The following TTC7A variants were observed in gnomAD, a reference collection of about 807,000 sequenced individuals.
TTC7A encodes the protein tetratricopeptide repeat domain 7A.
Under a neutral mutation model 103.7 loss-of-function variants are expected in TTC7A, and 110 were observed. The observed-to-expected ratio is 1.06, with a 90% CI of 0.91 to 1.24. The LOEUF (loss-of-function observed/expected upper bound fraction) is 1.24. Ranked by LOEUF, TTC7A falls within the 50% of genes most tolerant of loss-of-function variation. The pLI, the probability that TTC7A is intolerant of heterozygous loss-of-function variation, is 0.00. For synonymous variants in TTC7A, 521 were observed against 467.9 expected (o/e 1.11, Z -1.47); for missense variants, 1,340 against 1,116.3 (o/e 1.20, Z -2.86).
upstream of TTC7A, among the ~76,000 whole-genome samples, chr2:46,939,051 G>C (rs1670121599): frequency 6.6e-6 from 1 of 150,994 alleles, no homozygotes; most frequent in Admixed American, 6.6e-5. Flanking sequence ...CAGGGTGGGA[G>C]GACCGCTTGA....
In TTC7A at chr2:46,994,502, A is replaced by G. The variant is rs745812496; in HGVS notation, c.989A>G (p.Tyr330Cys). 13 of 1,613,952 alleles carry G rather than the reference A, an allele frequency of 8.1e-6. No individual in the cohort carries two copies. The South Asian group carries it at 1.1e-4, about 14-fold the overall frequency. ...CAGGCCCTGCGGAAACCTCACCTCTATGAAGGAGACAAGTAAGTTCTGCCT... is the reference window on the plus strand; with the variant it reads ...CAGGCCCTGCGGAAACCTCACCTCTGTGAAGGAGACAAGTAAGTTCTGCCT... The part of the protein sequence containing the change: ...ATQALRKPHL[Y>C]EGDNLYCPKD... Residue 330 changes from tyrosine to cysteine, a missense_variant, in exon 7 of 20, where the codon TAT (tyrosine) becomes TGT (cysteine). Tyr to Cys is a radical substitution (Grantham distance 194). Transcript: ENST00000319190.
intron 3 of TTC7A, among the ~76,000 whole-genome samples, chr2:46,957,688 T>C (rs1267841145): frequency 2.0e-5 from 3 of 152,214 alleles, no homozygotes; most frequent in Non-Finnish European, 4.4e-5. Flanking sequence ...GCCATTTAAC[T>C]GGACCCCAAA....
intron 3 of TTC7A, among the ~76,000 whole-genome samples, chr2:46,965,090 T>A (rs1312659725): frequency 6.6e-6 from 1 of 152,182 alleles, no homozygotes; most frequent in Admixed American, 6.5e-5. Context: ...AAAGGTGAAA[T>A]GCCCTCAGCA....
intron 18 of TTC7A, among the ~76,000 whole-genome samples, chr2:47,060,382 T>A (rs969477610): frequency 2.2e-4 from 34 of 151,720 alleles, no homozygotes; most frequent in African/African-American, 7.8e-4. Context: ...AATAAATAAA[T>A]TAATTTTTTT....
At chr2:46,979,685 A>G (rs945835051) in intron 5 of TTC7A, among the ~76,000 whole-genome samples, 5 of 152,100 alleles carry the variant, frequency 3.3e-5, no homozygotes, top group African/African-American at 1.2e-4. Context: ...AGGAGTGCGT[A>G]TTGGCAGCAA....
chr2:47,025,722 C>T lies in TTC7A; in HGVS notation c.1641+1363C>T, dbSNP rs547991846. Among the ~76,000 whole-genome samples the T allele has an allele frequency of 1.4e-4, 22 of 152,292 alleles. No homozygotes were observed. In the South Asian group the frequency reaches 2.3e-3, roughly 16 times the overall value. On this transcript the variant is annotated intron_variant, in intron 14 of 19. Transcript: ENST00000319190. ...TCATCCTGGCTGTTGTTTCCACTGT[C>T]GTCGGTGGCTTCGCTCCCTTCCTCT... is the stretch of plus-strand genomic sequence containing the variant.
At chr2:46,992,518 C>G (rs1424663025) in intron 5 of TTC7A, among the ~76,000 whole-genome samples, 1 of 152,084 alleles carries the variant, frequency 6.6e-6, no homozygotes, top group African/African-American at 2.4e-5. Flanking sequence ...AAAGGACTTG[C>G]TTGAGTGCTG....
chr2:46,992,498 G>A (rs532253334), intron 5 of TTC7A, among the ~76,000 whole-genome samples: 9 of 152,328 alleles, frequency 5.9e-5, no homozygotes, highest in South Asian at 2.1e-4. Flanking sequence ...AGGGGACTGC[G>A]GTCATTCAGA....
rs892648615 is a variant in TTC7A at position 47,070,356 on chromosome 2, T to G, written c.2356-3346T>G. ...CCTGCGTGGCCGTAAGAGGCAGGGC[T>G]TGCCAAGCTCCACGTGGGCAGCATC... On this transcript the variant is annotated intron_variant, in intron 19 of 19. Transcript: ENST00000319190. 8.5e-5 allele frequency among the ~76,000 whole-genome samples: 13 copies of G among 152,232 alleles called. 1 individual carries two copies.
intron 18 of TTC7A, 118 bp from the exon 19 acceptor site, chr2:47,060,651 G>T: frequency 1.1e-6 from 1 of 882,926 alleles, no homozygotes; most frequent in Non-Finnish European, 1.8e-6. Flanking sequence ...GCTGTGATTT[G>T]GTGGGATAGA....
chr2:47,042,573 G>A (rs745721524), intron 15 of TTC7A, among the ~76,000 whole-genome samples: 10 of 152,010 alleles, frequency 6.6e-5, no homozygotes, highest in South Asian at 2.1e-4. Flanking sequence ...GCAGTTTCTC[G>A]GAATAACCAA....
chr2:47,023,480 A>C lies in TTC7A; in HGVS notation c.1568+15A>C. ...ACGCTGGAGAGGTGAGGAGGCTCCC[A>C]CCTGCAGCAGAGGCCCCTCTTGCCT... On this transcript the variant is annotated intron_variant, in intron 13 of 19. Transcript: ENST00000319190. The C allele has an allele frequency of 6.2e-7, 1 of 1,613,882 alleles. No individual in the cohort carries two copies.
In TTC7A at chr2:46,952,686, G is replaced by T. The variant is rs574186301; in HGVS notation, c.348+2160G>T. 5.3e-5 allele frequency among the ~76,000 whole-genome samples: 8 copies of T among 152,218 alleles called. 1 individual carries two copies. The South Asian group carries it at 1.5e-3, about 28-fold the overall frequency. On this transcript the variant is annotated intron_variant, in intron 2 of 19. Transcript: ENST00000319190. ...AGGGTCACTTGAGCCTAGGAGGTTG[G>T]GGCTGCAGTGAGTTGTGTTCATGCC...
rs1573018152 is a variant in TTC7A, at chr2:47,046,709, G to A, written c.1919+278G>A. On this transcript the variant is annotated intron_variant, in intron 16 of 19. Coordinates refer to ENST00000319190, the MANE Select transcript of TTC7A (RefSeq NM_020458.4). ...CTTGAGCACTGGAGCTGGGTGCTGGGCTTGTTCCTTTATCTTACACCTCAG... is the reference window on the plus strand; with the variant it reads ...CTTGAGCACTGGAGCTGGGTGCTGGACTTGTTCCTTTATCTTACACCTCAG... The A allele has an allele frequency of 1.4e-5, 6 of 443,928 alleles. No individual in the cohort carries two copies. In the East Asian group the frequency reaches 2.1e-4, roughly 16 times the overall value. 27.5% of individuals were successfully genotyped at this position (443,928 alleles called of 1,614,324 possible).
chr2:47,061,075 C>T, intron 19 of TTC7A, 104 bp downstream of exon 19: 4 of 1,211,720 alleles, frequency 3.3e-6, no homozygotes, highest in Non-Finnish European at 4.6e-6. Context: ...CTGCCTGTGC[C>T]TTGCTACTGC....
chr2:46,958,394 C>T, intron 3 of TTC7A: 1 of 916,714 alleles, frequency 1.1e-6, no homozygotes, highest in Non-Finnish European at 1.6e-6. Flanking sequence ...CCATGGACGC[C>T]CTGAGCGGAA....
At chr2:46,927,714 C>G (rs1193563566) in intron 2 of TTC7A, among the ~76,000 whole-genome samples, 1 of 151,868 alleles carries the variant, frequency 6.6e-6, no homozygotes, top group African/African-American at 2.4e-5. Context: ...ACAACAGGAA[C>G]AGTGGAAGCC....
intron 2 of TTC7A, among the ~76,000 whole-genome samples, chr2:46,918,979 T>C (rs1360204958): frequency 2.6e-5 from 4 of 152,176 alleles, no homozygotes; most frequent in Admixed American, 1.3e-4. Context: ...CTAGTACAAG[T>C]AGAGACAGAG....
At chr2:47,025,734 C>A (rs1049245909) in intron 14 of TTC7A, among the ~76,000 whole-genome samples, 1 of 152,102 alleles carries the variant, frequency 6.6e-6, no homozygotes, top group Non-Finnish European at 1.5e-5. Flanking sequence ...TCGGTGGCTT[C>A]GCTCCCTTCC....
Sources: gnomAD v4.1 joint callset for allele counts (sites outside exome capture counted in the v4.1 genomes callset) on GRCh38, gnomAD v4.1.1 for gene constraint, MANE v1.5 for transcripts, NCBI Gene and HGNC (gene_info 2026-07-23, HGNC 2026-07-21) for gene names.